LOXL2: variants seen among roughly 807,000 people sequenced by gnomAD.
LOXL2 encodes lysyl oxidase like 2.
Under a neutral mutation model 93.0 loss-of-function variants are expected in LOXL2, and 70 were observed. That is an observed-to-expected ratio of 0.75 (90% confidence interval 0.62 to 0.92). LOXL2 has a LOEUF of 0.92. Among genes scored for constraint, LOXL2 ranks in the 40% least tolerant of loss-of-function variants. LOXL2 has a pLI of 0.00. For missense variants in LOXL2, 973 were observed against 1,054.9 expected, an observed-to-expected ratio of 0.92 and a Z score of 1.08; for synonymous variants, 438 against 413.2, an observed-to-expected ratio of 1.06 and a Z score of -0.73.
intron 1 of LOXL2, among the ~76,000 whole-genome samples, chr8:23,377,677 C>G (rs1804615369): frequency 6.6e-6 from 1 of 152,080 alleles, no homozygotes; most frequent in Admixed American, 6.6e-5. Context: ...TGAATTGATC[C>G]CTTTACCATT....
Position 23,297,725 on chromosome 8 carries a change from G to GCCGT in LOXL2, c.*317_*318insACGG. The GCCGT allele has an allele frequency of 1.3e-5, 3 of 227,456 alleles. No individual in the cohort carries two copies. Among genetic ancestry groups the GCCGT allele is most frequent in the Admixed American group, 1.2e-4 (2 of 17,206 alleles). The allele number at this position is 227,456 out of a possible 1,614,324, so 14.1% of individuals were successfully genotyped here. On this transcript the variant is annotated 3_prime_UTR_variant, in exon 14 of 14. Transcript: ENST00000389131. ...GTGTCTGTGGTGAGCTCGGTGGCTT[G>GCCGT]AATGGGACAAGCTGATGACAACCTG...
chr8:23,348,324 G>A (rs1041127973), intron 3 of LOXL2, among the ~76,000 whole-genome samples: 1 of 151,994 alleles, frequency 6.6e-6, no homozygotes, highest in African/African-American at 2.4e-5. Context: ...GTTGATGGGT[G>A]CAGCGGGCCA....
intron 6 of LOXL2, among the ~76,000 whole-genome samples, chr8:23,324,394 G>C (rs1448439243): frequency 6.6e-6 from 1 of 152,246 alleles, no homozygotes. Context: ...AGGGCACAGA[G>C]AAAGAGGCCC....
At chr8:23,368,713 G>T (rs907324126) in intron 1 of LOXL2, among the ~76,000 whole-genome samples, 1 of 152,124 alleles carries the variant, frequency 6.6e-6, no homozygotes, top group Admixed American at 6.5e-5. Flanking sequence ...TAAGACTACG[G>T]ACATGCCGGC....
rs181532142 is a variant in LOXL2 at position 23,377,510 on chromosome 8, C to T, written c.-83-9076G>A. Among the ~76,000 whole-genome samples, 135 of 130,412 alleles carry T rather than the reference C, an allele frequency of 1.0e-3. 3 individuals are homozygous for T. The highest frequency in any genetic ancestry group is 3.6e-3 in the African/African-American group (124 of 34,474). The allele number at this position is 130,412 out of a possible 152,430, so 85.6% of individuals were successfully genotyped here. ...GGATATCCTTGTTAACTTTCTGTCT[C>T]ACTGATCTGTCTAATGTTGACAGTG... On this transcript the variant is annotated intron_variant, in intron 1 of 13. Transcript: ENST00000389131.
intron 9 of LOXL2, among the ~76,000 whole-genome samples, chr8:23,311,037 A>C (rs1006923822): frequency 3.3e-5 from 5 of 152,214 alleles, no homozygotes; most frequent in African/African-American, 1.2e-4. Flanking sequence ...AGTTGCTTGT[A>C]AATTTTTTTC....
chr8:23,301,349 T>G (rs1803128214), intron 12 of LOXL2, among the ~76,000 whole-genome samples: 1 of 152,200 alleles, frequency 6.6e-6, no homozygotes, highest in Non-Finnish European at 1.5e-5. Context: ...GCCGCTGTTT[T>G]CAGGAAGGAG....
At chr8:23,402,975 C>G (rs532567320) in intron 1 of LOXL2, among the ~76,000 whole-genome samples, 2 of 152,184 alleles carry the variant, frequency 1.3e-5, no homozygotes, top group South Asian at 4.2e-4. Flanking sequence ...CGCCCCGCTC[C>G]GCCCCGCACT....
At chr8:23,303,556 C>T (rs1015605286) in intron 10 of LOXL2, among the ~76,000 whole-genome samples, 159 bp from the exon 11 acceptor site, 3 of 152,108 alleles carry the variant, frequency 2.0e-5, no homozygotes, top group Admixed American at 6.5e-5. Context: ...AAAGGAAAGC[C>T]GGTGCTGCAG....
Position 23,368,287 on chromosome 8 carries a change from A to G in LOXL2, c.65T>C (p.Leu22Pro). ...CLAMLALLSPLSLAQYDSWPH... is the reference protein window; with the variant it reads ...CLAMLALLSPPSLAQYDSWPH... ...CCAGCTGTCATACTGTGCCAGGCTC[A>G]GGGGGGACAGGAGGGCCAGCATAGC... is the stretch of plus-strand genomic sequence containing the variant. Residue 22 changes from leucine to proline, a missense_variant, in exon 2 of 14, where the codon CTG (leucine) becomes CCG (proline). Transcript: ENST00000389131. The G allele has an allele frequency of 6.2e-7, 1 of 1,613,532 alleles. No homozygotes were observed. The highest frequency in any genetic ancestry group is 8.5e-7 in the Non-Finnish European group (1 of 1,180,002).
intron 1 of LOXL2, among the ~76,000 whole-genome samples, chr8:23,393,593 C>A (rs1259363577): frequency 6.6e-6 from 1 of 152,050 alleles, no homozygotes; most frequent in African/African-American, 2.4e-5. Context: ...AACTGTAAAA[C>A]CCTTAGAATA....
chr8:23,362,208 T>C (rs1333096117), intron 2 of LOXL2, among the ~76,000 whole-genome samples: 1 of 152,228 alleles, frequency 6.6e-6, no homozygotes, highest in Non-Finnish European at 1.5e-5. Context: ...AAAGACACTA[T>C]GCTAAGTGAA....
chr8:23,340,154 G>A (rs1274076225), intron 4 of LOXL2, among the ~76,000 whole-genome samples: 1 of 152,160 alleles, frequency 6.6e-6, no homozygotes, highest in Non-Finnish European at 1.5e-5. Context: ...GCCCCTTCCT[G>A]GTTCTATCAC....
chr8:23,331,948 A>C (rs1379143680), intron 5 of LOXL2: 1 of 150,120 alleles, frequency 6.7e-6, no homozygotes, highest in African/African-American at 2.5e-5. Context: ...AGGCAGGAGA[A>C]TCGCGTGAAC....
intron 4 of LOXL2, among the ~76,000 whole-genome samples, chr8:23,339,009 C>T (rs1803839114): frequency 6.6e-6 from 1 of 152,310 alleles, no homozygotes; most frequent in East Asian, 1.9e-4. Flanking sequence ...CCAGGCAGAC[C>T]CAGGGCTTAG....
intron 3 of LOXL2, among the ~76,000 whole-genome samples, chr8:23,353,625 C>T (rs1042901740): frequency 6.6e-6 from 1 of 152,144 alleles, no homozygotes; most frequent in Non-Finnish European, 1.5e-5. Context: ...AACTGAGAAC[C>T]TGCCTGGTTA....
intron 10 of LOXL2, among the ~76,000 whole-genome samples, chr8:23,305,936 C>T (rs912080099): frequency 1.2e-4 from 18 of 151,966 alleles, no homozygotes; most frequent in Admixed American, 7.9e-4. Context: ...CTCAGCCTCC[C>T]GAGTAGCTGG....
At chr8:23,320,504 C>T (rs1186794861) in intron 7 of LOXL2, among the ~76,000 whole-genome samples, 1 of 152,224 alleles carries the variant, frequency 6.6e-6, no homozygotes, top group Non-Finnish European at 1.5e-5. Context: ...ACCTAACCAG[C>T]TGCCTGTTTG....
chr8:23,368,253 G>C lies in LOXL2; in HGVS notation c.99C>G (p.Tyr33Ter). The change falls in exon 2 of 14, where the codon TAC becomes TAG. Residue 33 changes from tyrosine to a stop codon, truncating the protein, a stop_gained. Coordinates refer to ENST00000389131, the MANE Select transcript of LOXL2 (RefSeq NM_002318.3). LOFTEE classifies it high-confidence loss of function. ...SLAQYDSWPH[Y>*]PEYFQQPAPE... ...GAGCCGGTTGCTGGAAGTACTCGGG[G>C]TAATGGGGCCAGCTGTCATACTGTG... 6.2e-7 allele frequency: 1 copy of C among 1,613,926 alleles called. No homozygotes were observed. The highest frequency in any genetic ancestry group is 8.5e-7 in the Non-Finnish European group (1 of 1,180,018).
Sources: allele counts gnomAD v4.1 joint callset (sites outside exome capture counted in the v4.1 genomes callset), GRCh38; gene constraint gnomAD v4.1.1; transcripts MANE v1.5; gene names NCBI Gene and HGNC (gene_info 2026-07-23, HGNC 2026-07-21).